The following RBFOX1 variants were observed in gnomAD, a reference collection of about 807,000 sequenced individuals.
RBFOX1 encodes the protein RNA binding fox-1 homolog 1.
Under a neutral mutation model 57.7 loss-of-function variants are expected in RBFOX1, and 8 were observed. The observed-to-expected ratio is 0.14, with a 90% CI of 0.08 to 0.25. RBFOX1 has a LOEUF of 0.25. Among genes scored for constraint, RBFOX1 ranks in the 10% least tolerant of loss-of-function variants. The pLI, the probability that RBFOX1 is intolerant of heterozygous loss-of-function variation, is 1.00. For missense variants in RBFOX1, 611 were observed against 548.5 expected (o/e 1.11, Z -1.14); for synonymous variants, 326 against 222.4 (o/e 1.47, Z -4.15).
At chr16:7,074,466 T>C (rs1402632269) in intron 4 of RBFOX1, among the ~76,000 whole-genome samples, 2 of 152,298 alleles carry the variant, frequency 1.3e-5, no homozygotes, top group African/African-American at 2.4e-5. Flanking sequence ...AAACATCAGA[T>C]TGTAAAATGC....
rs149833113 is a variant in RBFOX1, at chr16:6,781,012, A to G, written c.-16+126362A>G. ...TTTTAGCTTGATGTGATCCCATTTG[A>G]CCATTTTTGCTTTGGTTACCTGTGC... On this transcript the variant is annotated intron_variant, in intron 3 of 15. Coordinates refer to ENST00000550418, the MANE Select transcript of RBFOX1 (RefSeq NM_018723.4). Among the ~76,000 whole-genome samples the G allele has an allele frequency of 9.0e-3, 1,368 of 152,016 alleles. 26 individuals carry two copies. Among genetic ancestry groups the G allele is most frequent in the African/African-American group, 0.031 (1,287 of 41,460 alleles).
Position 7,589,233 on chromosome 16 carries a change from G to GTGT in RBFOX1, c.468+1947_468+1949dup, listed in dbSNP as rs554970091. 3.8e-3 allele frequency among the ~76,000 whole-genome samples: 577 copies of GTGT among 152,266 alleles called. 3 individuals are homozygous for GTGT. Among genetic ancestry groups the GTGT allele is most frequent in the African/African-American group, 0.013 (555 of 41,554 alleles). On this transcript the variant is annotated intron_variant, in intron 7 of 15. Transcript: ENST00000550418. The stretch of plus-strand genomic sequence containing the variant: ...CTATAGCAGCACTGCCTTCAAAGAT[G>GTGT]TGTTGTTGTTGTTGTTTTTTAATAT...
intron 4 of RBFOX1, among the ~76,000 whole-genome samples, chr16:5,939,188 A>C (rs1047730058): frequency 2.0e-5 from 3 of 152,206 alleles, no homozygotes; most frequent in Non-Finnish European, 4.4e-5. Flanking sequence ...ATATGTAGAC[A>C]TGTAACAAAC....
intron 1 of RBFOX1, among the ~76,000 whole-genome samples, chr16:6,043,078 A>AG (rs1167911026): frequency 3.0e-5 from 4 of 132,138 alleles, no homozygotes; most frequent in African/African-American, 1.1e-4. Context: ...AGATCACATC[A>AG]TTATACTGCA....
intron 3 of RBFOX1, among the ~76,000 whole-genome samples, chr16:6,860,995 C>G (rs1434936818): frequency 1.3e-5 from 2 of 152,050 alleles, no homozygotes; most frequent in Non-Finnish European, 2.9e-5. Context: ...GGGAATGATA[C>G]ACAGTAAGTT....
At chr16:7,495,559 T>G (rs2068353288) in intron 4 of RBFOX1, among the ~76,000 whole-genome samples, 1 of 152,244 alleles carries the variant, frequency 6.6e-6, no homozygotes, top group South Asian at 2.1e-4. Context: ...TGGGCACATA[T>G]TTCCCTGATG....
chr16:6,768,276 T>C (rs1247330553), intron 3 of RBFOX1, among the ~76,000 whole-genome samples: 7 of 152,150 alleles, frequency 4.6e-5, no homozygotes, highest in African/African-American at 1.7e-4. Flanking sequence ...CTGTTTTTGC[T>C]TTTTTAAACA....
At chr16:7,521,481 T>C (rs916153723) in intron 5 of RBFOX1, among the ~76,000 whole-genome samples, 2 of 152,210 alleles carry the variant, frequency 1.3e-5, no homozygotes, top group African/African-American at 2.4e-5. Context: ...GGAGCTGAGA[T>C]GCTCCACATC....
chr16:6,819,705 C>CAAAAAAA lies in RBFOX1; in HGVS notation c.-16+165075_-16+165081dup, dbSNP rs1181614275. Among the ~76,000 whole-genome samples the CAAAAAAA allele has an allele frequency of 8.7e-3, 179 of 20,526 alleles. 7 individuals carry two copies. Among genetic ancestry groups the CAAAAAAA allele is most frequent in the East Asian group, 0.016 (10 of 636 alleles). 13.5% of individuals were successfully genotyped at this position (20,526 alleles called of 152,430 possible). On this transcript the variant is annotated intron_variant, in intron 3 of 15. Transcript: ENST00000550418. ...GGGCAACAAGAGTGAAACTCTGACT[C>CAAAAAAA]AAAAAAAAAAAAAAAAAAAAAAAAA...
At chr16:5,374,782 C>T (rs1449016697) in intron 1 of RBFOX1, among the ~76,000 whole-genome samples, 6 of 149,066 alleles carry the variant, frequency 4.0e-5, no homozygotes, top group South Asian at 4.2e-4. Context: ...TGTGTGAAAA[C>T]GATATAATAT....
At chr16:5,986,127 T>C (rs2060281590) in intron 4 of RBFOX1, among the ~76,000 whole-genome samples, 1 of 151,682 alleles carries the variant, frequency 6.6e-6, no homozygotes, top group Non-Finnish European at 1.5e-5. Context: ...AGTGGTGTAA[T>C]CTTGGCAGAT....
At chr16:5,928,594 C>T (rs959703701) in intron 4 of RBFOX1, among the ~76,000 whole-genome samples, 7 of 151,880 alleles carry the variant, frequency 4.6e-5, no homozygotes, top group African/African-American at 1.7e-4. Context: ...TATGTTCCTC[C>T]TGCCACCACA....
intron 4 of RBFOX1, among the ~76,000 whole-genome samples, chr16:7,469,710 T>C (rs893949672): frequency 6.6e-6 from 1 of 152,172 alleles, no homozygotes. Context: ...TTTCCCCTTT[T>C]AAATATTTTT....
chr16:7,590,860 T>C (rs965156081), intron 7 of RBFOX1, among the ~76,000 whole-genome samples: 15 of 52,414 alleles, frequency 2.9e-4, no homozygotes, highest in South Asian at 2.0e-3. Context: ...GTTCTGTCTC[T>C]AAGAAAAAAA....
chr16:5,657,556 C>G (rs2049468583), intron 3 of RBFOX1, among the ~76,000 whole-genome samples: 1 of 152,114 alleles, frequency 6.6e-6, no homozygotes, highest in African/African-American at 2.4e-5. Context: ...TCACTTTTCA[C>G]TTGCTGGACT....
intron 3 of RBFOX1, among the ~76,000 whole-genome samples, chr16:6,776,324 T>C (rs532946300): frequency 2.0e-5 from 3 of 151,926 alleles, no homozygotes; most frequent in African/African-American, 7.3e-5. Context: ...GGCAGGAGAA[T>C]GGTGTGAACC....
Position 6,959,614 on chromosome 16 carries a change from C to A in RBFOX1, c.-15-92443C>A, listed in dbSNP as rs79370210. On this transcript the variant is annotated intron_variant, in intron 3 of 15. Coordinates refer to ENST00000550418, the MANE Select transcript of RBFOX1 (RefSeq NM_018723.4). ...CAGGCAGGCCTCTGTAACAACTGTT[C>A]CAGCACTGACTGAGTGGTTACGTTA... Among the ~76,000 whole-genome samples, 14 of 152,212 alleles carry A rather than the reference C, an allele frequency of 9.2e-5. No homozygotes were observed. The East Asian group carries it at 2.7e-3, about 29-fold the overall frequency.
At chr16:5,950,421 GT>G (rs1567181572) in intron 4 of RBFOX1, among the ~76,000 whole-genome samples, 1 of 152,152 alleles carries the variant, frequency 6.6e-6, no homozygotes, top group Non-Finnish European at 1.5e-5. Context: ...CACATTGGCA[GT>G]TCCACATTGG....
chr16:6,564,002 A>T (rs969980297), intron 2 of RBFOX1, among the ~76,000 whole-genome samples: 1 of 152,078 alleles, frequency 6.6e-6, no homozygotes, highest in African/African-American at 2.4e-5. Context: ...CATGTAAACT[A>T]CAGCACCCAT....
Sources: allele counts gnomAD v4.1 joint callset (sites outside exome capture counted in the v4.1 genomes callset), GRCh38; gene constraint gnomAD v4.1.1; transcripts MANE v1.5; gene names NCBI Gene and HGNC (gene_info 2026-07-23, HGNC 2026-07-21).